Variants in COL13A1 observed in about 807,000 individuals in gnomAD.
COL13A1 encodes the protein collagen alpha-1(XIII) chain.
COL13A1 carries 89 observed loss-of-function variants against 130.9 expected under a neutral mutation model. The observed-to-expected ratio is 0.68, with a 90% CI of 0.57 to 0.81. COL13A1 has a LOEUF of 0.81. Among genes scored for constraint, COL13A1 ranks in the 30% least tolerant of loss-of-function variants. The probability of loss-of-function intolerance (pLI) is 0.00; values close to 1 mark genes in which losing one functional copy is unlikely to be tolerated. For synonymous variants in COL13A1, 402 were observed against 341.6 expected, an observed-to-expected ratio of 1.18 and a Z score of -1.95; for missense variants, 879 against 934.6, an observed-to-expected ratio of 0.94 and a Z score of 0.78.
intron 2 of COL13A1, among the ~76,000 whole-genome samples, chr10:69,840,505 C>A (rs182363854): frequency 6.6e-6 from 1 of 152,312 alleles, no homozygotes; most frequent in African/African-American, 2.4e-5. Context: ...GTCAGATGTC[C>A]TGAGTTCCCC....
In COL13A1 at chr10:69,802,141, A is replaced by C; in HGVS notation, c.-283A>C. On this transcript the variant is annotated 5_prime_UTR_variant, in exon 1 of 41. Coordinates refer to ENST00000645393, the MANE Select transcript of COL13A1 (RefSeq NM_001368882.1). The stretch of plus-strand genomic sequence containing the variant: ...AGGGAAAGACTGGGCGGAGAGAAGG[A>C]GAGCCGGTCAGATTCCCCTAACTTT... 1 of 391,500 alleles carries C rather than the reference A, an allele frequency of 2.6e-6. No homozygotes were observed. The highest frequency in any genetic ancestry group is 4.5e-6 in the Non-Finnish European group (1 of 222,794). The allele number at this position is 391,500 out of a possible 1,614,324, so 24.3% of individuals were successfully genotyped here.
At chr10:69,812,721 TTTAA>T (rs1336503607) in intron 1 of COL13A1, among the ~76,000 whole-genome samples, 9 of 152,222 alleles carry the variant, frequency 5.9e-5, no homozygotes, top group African/African-American at 2.2e-4. Flanking sequence ...AGTAATTACT[TTTAA>T]TTGCCATTGA....
At chr10:69,956,329 C>G (rs1287688154) in intron 39 of COL13A1, 1 of 152,312 alleles carries the variant, frequency 6.6e-6, no homozygotes, top group Non-Finnish European at 1.5e-5. Flanking sequence ...ACAAAGGAGA[C>G]CGACGGTGTG....
chr10:69,903,715 C>G (rs1206221630), intron 15 of COL13A1, among the ~76,000 whole-genome samples: 1 of 152,182 alleles, frequency 6.6e-6, no homozygotes, highest in East Asian at 1.9e-4. Context: ...ATGACAAAAG[C>G]ACCATAAATT....
At chr10:69,816,771 A>T (rs1439012249) in intron 1 of COL13A1, among the ~76,000 whole-genome samples, 1 of 152,050 alleles carries the variant, frequency 6.6e-6, no homozygotes, top group Admixed American at 6.5e-5. Context: ...AAGCATGAGG[A>T]CTGCCCACCA....
At chr10:69,860,738 G>A (rs1428272560) in intron 2 of COL13A1, 2 of 265,400 alleles carry the variant, frequency 7.5e-6, no homozygotes, top group Admixed American at 9.8e-5. Flanking sequence ...CCATTTTCCT[G>A]AGCCCCAGGC....
intron 2 of COL13A1, among the ~76,000 whole-genome samples, chr10:69,853,029 T>C (rs10762319): frequency 0.4 from 60,761 of 151,906 alleles, 13,039 homozygotes; most frequent in East Asian, 0.63. Flanking sequence ...GGGGGAGGTA[T>C]GGGGAGGGGG....
At chr10:69,909,481 C>A (rs112515815) in intron 17 of COL13A1, among the ~76,000 whole-genome samples, 1 of 152,356 alleles carries the variant, frequency 6.6e-6, no homozygotes, top group African/African-American at 2.4e-5. Context: ...AGCCACTAGC[C>A]TTGCAAAGCC....
chr10:69,846,157 T>C (rs1158316431), intron 2 of COL13A1, among the ~76,000 whole-genome samples: 2 of 152,222 alleles, frequency 1.3e-5, no homozygotes, highest in Non-Finnish European at 2.9e-5. Flanking sequence ...TGGGAGGCCA[T>C]GCATGTCTCT....
At position 69,953,586 on chromosome 10, in the gene COL13A1, C is replaced by A. The variant is rs74367261; in HGVS notation, c.2145+618C>A. 6.6e-3 allele frequency among the ~76,000 whole-genome samples: 1,000 copies of A among 152,300 alleles called. 5 individuals are homozygous for A. The highest frequency in any genetic ancestry group is 0.023 in the African/African-American group (972 of 41,558). Reference sequence around the variant, plus strand: ...TGGGAAGCCTTCTCAAAAGAGCCAGCAATTAATGATGAGGCACTTCTGCTG... The same window carrying A: ...TGGGAAGCCTTCTCAAAAGAGCCAGAAATTAATGATGAGGCACTTCTGCTG... On this transcript the variant is annotated intron_variant, in intron 39 of 40. Transcript: ENST00000645393.
intron 2 of COL13A1, among the ~76,000 whole-genome samples, chr10:69,831,514 C>T (rs570134901): frequency 7.9e-5 from 12 of 152,284 alleles, no homozygotes; most frequent in South Asian, 4.2e-4. Context: ...GCAGCAGCCA[C>T]GCTTACAGCC....
At chr10:69,820,795 A>T (rs1241073302) in intron 1 of COL13A1, among the ~76,000 whole-genome samples, 1 of 151,118 alleles carries the variant, frequency 6.6e-6, no homozygotes, top group Admixed American at 6.6e-5. Flanking sequence ...AGGCATTTGC[A>T]CTCACCTTCC....
intron 7 of COL13A1, among the ~76,000 whole-genome samples, chr10:69,885,924 A>C (rs1343929919): frequency 2.0e-5 from 3 of 151,842 alleles, no homozygotes; most frequent in African/African-American, 4.8e-5. Context: ...GCAGACTTCA[A>C]CTCACTCCCT....
In COL13A1 at chr10:69,855,483, T is replaced by C. The variant is rs1360137128; in HGVS notation, c.365-12315T>C. On this transcript the variant is annotated intron_variant, in intron 2 of 40. Transcript: ENST00000645393. ...ATATTATAACGAACTAATAACATAT[T>C]ATAATAACACTCCATATTATAATGA... Among the ~76,000 whole-genome samples the C allele has an allele frequency of 2.6e-5, 4 of 152,190 alleles. No homozygotes were observed. In the East Asian group the frequency reaches 7.7e-4, roughly 29 times the overall value.
chr10:69,867,911 T>TG, intron 3 of COL13A1, 106 bp downstream of exon 3: 1 of 704,720 alleles, frequency 1.4e-6, no homozygotes, highest in South Asian at 1.5e-5. Flanking sequence ...GCTGTCTTGT[T>TG]GGGGGCCTAT....
At chr10:69,912,633 A>C (rs1427142947) in intron 17 of COL13A1, among the ~76,000 whole-genome samples, 1 of 136,308 alleles carries the variant, frequency 7.3e-6, no homozygotes, top group Non-Finnish European at 1.5e-5. Context: ...AGCCTGTGCC[A>C]CCAGATGCAT....
Position 69,857,570 on chromosome 10 carries a change from G to A in COL13A1, c.365-10228G>A, listed in dbSNP as rs181751666. Among the ~76,000 whole-genome samples the A allele has an allele frequency of 1.1e-4, 17 of 152,298 alleles. No individual in the cohort carries two copies. The East Asian group carries it at 2.9e-3, about 26-fold the overall frequency. On this transcript the variant is annotated intron_variant, in intron 2 of 40. Coordinates refer to ENST00000645393, the MANE Select transcript of COL13A1 (RefSeq NM_001368882.1). ...TGAACTGTGCATGTGAGGGATCTAC[G>A]TTGCACACTCCTTATGGGCCAAGGC...
chr10:69,816,971 A>G (rs892060032), intron 1 of COL13A1, among the ~76,000 whole-genome samples: 3 of 152,214 alleles, frequency 2.0e-5, no homozygotes, highest in African/African-American at 2.4e-5. Context: ...TATGCTGGGA[A>G]TAACAACAGC....
intron 2 of COL13A1, among the ~76,000 whole-genome samples, chr10:69,826,582 C>T (rs558588219): frequency 6.6e-6 from 1 of 152,276 alleles, no homozygotes; most frequent in Admixed American, 6.5e-5. Flanking sequence ...TGCCCAGGAG[C>T]CAAAGGAGCT....
Sources: allele counts gnomAD v4.1 joint callset (sites outside exome capture counted in the v4.1 genomes callset), GRCh38; gene constraint gnomAD v4.1.1; transcripts MANE v1.5; gene names NCBI Gene and HGNC (gene_info 2026-07-23, HGNC 2026-07-21).